Variants in HMGB1 observed in about 807,000 individuals in gnomAD.
The protein encoded by HMGB1 is high mobility group protein B1.
For synonymous variants in HMGB1, 81 were observed against 84.0 expected (o/e 0.96, Z 0.19); for missense variants, 79 against 253.5 (o/e 0.31, Z 4.67).
At chr13:30,495,086 T>C (rs1002701837) in intron 1 of HMGB1, among the ~76,000 whole-genome samples, 5 of 152,204 alleles carry the variant, frequency 3.3e-5, no homozygotes, top group Admixed American at 1.3e-4. Flanking sequence ...CGACGGACAA[T>C]TGGGTCATCC....
intron 1 of HMGB1, among the ~76,000 whole-genome samples, chr13:30,523,904 A>G (rs7321258): frequency 0.78 from 118,099 of 151,790 alleles, 46,580 homozygotes; most frequent in Non-Finnish European, 0.84. Flanking sequence ...CCATTCCCCC[A>G]CTGTTTTTTT....
intron 1 of HMGB1, among the ~76,000 whole-genome samples, chr13:30,537,756 A>C (rs1270000526): frequency 6.8e-6 from 1 of 147,062 alleles, no homozygotes; most frequent in African/African-American, 2.5e-5. Flanking sequence ...TTCTGGGGAT[A>C]CTAGAGATAG....
intron 1 of HMGB1, among the ~76,000 whole-genome samples, chr13:30,499,513 T>C (rs1258898049): frequency 6.6e-6 from 1 of 152,196 alleles, no homozygotes; most frequent in African/African-American, 2.4e-5. Context: ...CAAACTGAGT[T>C]TCTCTTTGTA....
chr13:30,463,451 TG>T, intron 2 of HMGB1, 79 bp downstream of exon 2: 1 of 1,541,726 alleles, frequency 6.5e-7, no homozygotes. Context: ...ACTACGAGAA[TG>T]CCAACTAGGC....
chr13:30,554,156 A>G (rs1235185868), intron 1 of HMGB1: 3 of 1,341,742 alleles, frequency 2.2e-6, no homozygotes, highest in East Asian at 2.3e-5. Flanking sequence ...ACGATTAGAA[A>G]ATATCAATAG....
rs1388956812 is a variant in HMGB1 at position 30,459,444 on chromosome 13, T to C, written c.*1913A>G. The C allele has an allele frequency of 6.6e-6, 1 of 152,202 alleles. No individual in the cohort carries two copies. The highest frequency in any genetic ancestry group is 2.4e-5 in the African/African-American group (1 of 41,446). 9.4% of individuals were successfully genotyped at this position (152,202 alleles called of 1,614,324 possible). On this transcript the variant is annotated 3_prime_UTR_variant, in exon 5 of 5. Coordinates refer to ENST00000341423, the MANE Select transcript of HMGB1 (RefSeq NM_002128.7). Reference sequence around the variant, plus strand: ...TTAAATGGATCAGAATTATTAATGTTGGTGATTAATGGTGATTTCTATACA... The same window carrying C: ...TTAAATGGATCAGAATTATTAATGTCGGTGATTAATGGTGATTTCTATACA...
intron 1 of HMGB1, among the ~76,000 whole-genome samples, chr13:30,577,454 G>A (rs1870708278): frequency 6.6e-6 from 1 of 151,842 alleles, no homozygotes; most frequent in Non-Finnish European, 1.5e-5. Flanking sequence ...GAAAATTTCT[G>A]TTGCTTGCAC....
chr13:30,596,792 T>C (rs1472781078), intron 1 of HMGB1, among the ~76,000 whole-genome samples: 1 of 152,250 alleles, frequency 6.6e-6, no homozygotes, highest in Non-Finnish European at 1.5e-5. Context: ...AGAAATGAAT[T>C]AATTCTGATC....
chr13:30,601,314 C>T (rs1396579219), intron 1 of HMGB1, among the ~76,000 whole-genome samples: 1 of 152,202 alleles, frequency 6.6e-6, no homozygotes, highest in Non-Finnish European at 1.5e-5. Context: ...AATAAATAGC[C>T]ATGTTGCTCA....
intron 1 of HMGB1, among the ~76,000 whole-genome samples, chr13:30,549,710 TG>T (rs1443304184): frequency 5.2e-4 from 24 of 45,852 alleles, no homozygotes; most frequent in East Asian, 5.1e-3. Context: ...ACTAATTGTT[TG>T]TTTTTTTTTT....
At chr13:30,503,468 C>A (rs988971648) in intron 1 of HMGB1, among the ~76,000 whole-genome samples, 1 of 149,658 alleles carries the variant, frequency 6.7e-6, no homozygotes, top group Non-Finnish European at 1.5e-5. Flanking sequence ...TAAAATAAAT[C>A]ATTTTATTAA....
intron 1 of HMGB1, among the ~76,000 whole-genome samples, chr13:30,563,903 C>G (rs1870069527): frequency 6.6e-6 from 1 of 152,136 alleles, no homozygotes; most frequent in Non-Finnish European, 1.5e-5. Context: ...TTAGCTGGGT[C>G]TCTACTTTAT....
At chr13:30,535,325 A>C (rs1488324338) in intron 1 of HMGB1, among the ~76,000 whole-genome samples, 1 of 152,210 alleles carries the variant, frequency 6.6e-6, no homozygotes, top group Non-Finnish European at 1.5e-5. Context: ...AAACAACAAA[A>C]ATAGTTTTCA....
chr13:30,519,526 T>C (rs369945378), intron 1 of HMGB1, among the ~76,000 whole-genome samples: 4 of 130,352 alleles, frequency 3.1e-5, no homozygotes, highest in African/African-American at 5.7e-5. Context: ...AAACCCTGTC[T>C]CTACTAAAAA....
At chr13:30,586,328 T>C (rs1871142896) in intron 1 of HMGB1, among the ~76,000 whole-genome samples, 1 of 152,156 alleles carries the variant, frequency 6.6e-6, no homozygotes, top group Non-Finnish European at 1.5e-5. Flanking sequence ...TTCTATCAGC[T>C]TCTCCTTATC....
chr13:30,516,466 T>C (rs977091969), intron 1 of HMGB1, among the ~76,000 whole-genome samples: 5 of 152,250 alleles, frequency 3.3e-5, no homozygotes, highest in African/African-American at 1.2e-4. Context: ...TAGAATAGTT[T>C]CAGCCATACC....
Position 30,536,373 on chromosome 13 carries a change from T to C in HMGB1, c.-14-72679A>G, listed in dbSNP as rs556164886. 3.3e-3 allele frequency among the ~76,000 whole-genome samples: 504 copies of C among 152,312 alleles called. 2 individuals are homozygous for C. Among genetic ancestry groups the C allele is most frequent in the African/African-American group, 0.012 (484 of 41,570 alleles). On this transcript the variant is annotated intron_variant, in intron 1 of 4. Coordinates refer to the HMGB1 transcript ENST00000405805. ...CCTAATTTCCCAATATGTATATTTT[T>C]AAAAACTAATTTTGTTTTTGAACTG... is the stretch of plus-strand genomic sequence containing the variant.
At chr13:30,497,139 AC>A (rs1438226705) in intron 1 of HMGB1, among the ~76,000 whole-genome samples, 3 of 151,244 alleles carry the variant, frequency 2.0e-5, no homozygotes, top group Admixed American at 1.3e-4. Flanking sequence ...TGTAACCAGG[AC>A]CCTTCAATGC....
In HMGB1 at chr13:30,463,603, C is replaced by T. The variant is rs368780092; in HGVS notation, c.78G>A (p.Glu26=). The T allele has an allele frequency of 1.4e-5, 22 of 1,605,264 alleles. No homozygotes were observed. The highest frequency in any genetic ancestry group is 2.2e-5 in the South Asian group (2 of 90,656). ...AAGCATCTGGGTGCTTCTTCTTATG[C>T]TCCTCCCGACAAGTTTGCACAAAAA... is the stretch of plus-strand genomic sequence containing the variant. ...YAFFVQTCRE[E]HKKKHPDASV... Residue 26 remains glutamate, a synonymous_variant, in exon 2 of 5, where the codon GAG becomes GAA. Coordinates refer to ENST00000341423, the MANE Select transcript of HMGB1 (RefSeq NM_002128.7).
Sources: gnomAD v4.1 joint callset for allele counts (sites outside exome capture counted in the v4.1 genomes callset) on GRCh38, gnomAD v4.1.1 for gene constraint, MANE v1.5 for transcripts, NCBI Gene and HGNC (gene_info 2026-07-23, HGNC 2026-07-21) for gene names.